The following DYNC1I1 variants were observed in gnomAD, a reference collection of about 807,000 sequenced individuals.
DYNC1I1 encodes cytoplasmic dynein 1 intermediate chain 1.
Under a neutral mutation model 86.6 loss-of-function variants are expected in DYNC1I1, and 43 were observed. That is an observed-to-expected ratio of 0.50 (90% CI 0.39 to 0.64). DYNC1I1 has a LOEUF of 0.64. Among genes scored for constraint, DYNC1I1 ranks in the 30% least tolerant of loss-of-function variants. The pLI is 0.00. For synonymous variants in DYNC1I1, 262 were observed against 283.7 expected (o/e 0.92, Z 0.77); for missense variants, 604 against 788.8 (o/e 0.77, Z 2.81).
chr7:95,921,924 C>T (rs572768299), intron 6 of DYNC1I1, among the ~76,000 whole-genome samples: 2 of 152,210 alleles, frequency 1.3e-5, no homozygotes, highest in Admixed American at 6.5e-5. Flanking sequence ...AGACTTGAGA[C>T]AAAATAATGT....
intron 15 of DYNC1I1, among the ~76,000 whole-genome samples, 193 bp downstream of exon 15, chr7:96,076,390 C>T (rs1348042656): frequency 2.0e-5 from 3 of 152,228 alleles, no homozygotes; most frequent in African/African-American, 7.2e-5. Context: ...ACTTAATCTC[C>T]CTTCATCCCT....
Position 95,836,213 on chromosome 7 carries a change from AT to A in DYNC1I1, c.374+8100del, listed in dbSNP as rs1789084575. 4.6e-5 allele frequency among the ~76,000 whole-genome samples: 7 copies of A among 151,914 alleles called. No individual in the cohort carries two copies. The South Asian group carries it at 1.5e-3, about 32-fold the overall frequency. On this transcript the variant is annotated intron_variant, in intron 5 of 16. Transcript: ENST00000447467. ...CATTTGCTTGTCTGTAAAGTATTTT[AT>A]TTCTCCTTCACTTATGAAGCTTAGT... is the stretch of plus-strand genomic sequence containing the variant.
Position 95,987,158 on chromosome 7 carries a change from A to G in DYNC1I1, c.843+3A>G. On this transcript the variant is annotated splice_donor_region_variant and intron_variant, in intron 9 of 16. Transcript: ENST00000447467. ...CTTGTATGGACTGGTCCCTCCAGGT[A>G]AGAATTATTGCTGGGCTGGGACAAA... 1 of 1,612,742 alleles carries G rather than the reference A, an allele frequency of 6.2e-7. No homozygotes were observed. The highest frequency in any genetic ancestry group is 8.5e-7 in the Non-Finnish European group (1 of 1,178,922).
chr7:96,098,171 C>T lies in DYNC1I1; in HGVS notation c.*578C>T. The T allele has an allele frequency of 1.0e-6, 1 of 985,876 alleles. No homozygotes were observed. The highest frequency in any genetic ancestry group is 1.2e-6 in the Non-Finnish European group (1 of 829,950). 61.1% of individuals were successfully genotyped at this position (985,876 alleles called of 1,614,324 possible). On this transcript the variant is annotated 3_prime_UTR_variant, in exon 17 of 17. Transcript: ENST00000447467. ...ATGTGCATAATGAGAGGACTGTATT[C>T]TCTCTGCTGCTGTTGAGGTTATATT...
Position 95,885,854 on chromosome 7 carries a change from A to G in DYNC1I1, c.490+15856A>G, listed in dbSNP as rs538933238. Among the ~76,000 whole-genome samples, 7 of 152,302 alleles carry G rather than the reference A, an allele frequency of 4.6e-5. No homozygotes were observed. The East Asian group carries it at 1.4e-3, about 29-fold the overall frequency. On this transcript the variant is annotated intron_variant, in intron 6 of 16. Coordinates refer to ENST00000447467, the MANE Select transcript of DYNC1I1 (RefSeq NM_001135556.2). ...GGTATCTTCCAAAAATGTCATTATC[A>G]GAAAGAAAGACATTTTTAAAAACCC...
intron 12 of DYNC1I1, among the ~76,000 whole-genome samples, chr7:96,034,799 C>A (rs2116011199): frequency 6.6e-6 from 1 of 152,210 alleles, no homozygotes. Context: ...AGTTTATTTG[C>A]ACAAGAAAGA....
intron 3 of DYNC1I1, 44 bp downstream of exon 3, chr7:95,810,550 G>A: frequency 6.5e-7 from 1 of 1,532,678 alleles, no homozygotes; most frequent in Non-Finnish European, 9.0e-7. Context: ...AAATCAACTT[G>A]CGTGGGATAT....
At chr7:95,882,545 A>G (rs898292585) in intron 6 of DYNC1I1, among the ~76,000 whole-genome samples, 1 of 152,194 alleles carries the variant, frequency 6.6e-6, no homozygotes, top group African/African-American at 2.4e-5. Context: ...GGTGCTCTGA[A>G]TAAGTAGTGA....
intron 6 of DYNC1I1, among the ~76,000 whole-genome samples, chr7:95,942,296 C>T (rs1300337597): frequency 1.3e-5 from 2 of 152,134 alleles, no homozygotes; most frequent in Non-Finnish European, 2.9e-5. Context: ...TTCCTCGACA[C>T]ATACAGCCTC....
intron 5 of DYNC1I1, among the ~76,000 whole-genome samples, chr7:95,854,837 A>G (rs1789674339): frequency 6.6e-6 from 1 of 152,186 alleles, no homozygotes; most frequent in Non-Finnish European, 1.5e-5. Context: ...CGTACAGAAA[A>G]TGGAAGTGAG....
intron 14 of DYNC1I1, among the ~76,000 whole-genome samples, chr7:96,054,137 G>GC (rs2116125163): frequency 6.6e-6 from 1 of 152,100 alleles, no homozygotes; most frequent in Admixed American, 6.5e-5. Flanking sequence ...CCCTCCCCTA[G>GC]CCCCTCACCC....
chr7:95,932,690 C>T (rs1390081867), intron 6 of DYNC1I1, among the ~76,000 whole-genome samples: 1 of 152,114 alleles, frequency 6.6e-6, no homozygotes, highest in Non-Finnish European at 1.5e-5. Flanking sequence ...CCAAGCCTCA[C>T]AAATGTTAAG....
intron 9 of DYNC1I1, among the ~76,000 whole-genome samples, chr7:95,995,288 T>TAAATAAATAAA (rs1284500550): frequency 1.1e-5 from 1 of 89,920 alleles, no homozygotes; most frequent in African/African-American, 4.0e-5. Flanking sequence ...AAATAAATAA[T>TAAATAAATAAA]GTAGAATGGC....
chr7:95,980,998 G>A (rs952762023), intron 7 of DYNC1I1, among the ~76,000 whole-genome samples: 3 of 151,898 alleles, frequency 2.0e-5, no homozygotes, highest in African/African-American at 4.8e-5. Context: ...TGTTTTTCCT[G>A]GCTACATGGG....
intron 5 of DYNC1I1, among the ~76,000 whole-genome samples, chr7:95,837,832 C>T (rs1442356825): frequency 2.6e-5 from 4 of 152,292 alleles, no homozygotes; most frequent in Admixed American, 6.5e-5. Flanking sequence ...TCGGCTCGCG[C>T]ATGGTGCGCG....
intron 1 of DYNC1I1, among the ~76,000 whole-genome samples, chr7:95,783,709 G>A (rs1318945203): frequency 6.6e-6 from 1 of 152,112 alleles, no homozygotes; most frequent in Non-Finnish European, 1.5e-5. Flanking sequence ...CTCCTCTTTT[G>A]TTTTTGGACC....
At position 95,788,348 on chromosome 7, in the gene DYNC1I1, CT is replaced by C. The variant is rs548851753; in HGVS notation, c.-10+15576del. ...ATGTTTGGAAGGAAGAGATAATTTG[CT>C]GATAGATTGGATGTGGGTTTGATGG... On this transcript the variant is annotated intron_variant, in intron 1 of 16. Transcript: ENST00000447467. Among the ~76,000 whole-genome samples the C allele has an allele frequency of 9.3e-4, 142 of 152,224 alleles. 1 individual carries two copies. Among genetic ancestry groups the C allele is most frequent in the African/African-American group, 3.3e-3 (137 of 41,536 alleles).
intron 10 of DYNC1I1, among the ~76,000 whole-genome samples, chr7:96,001,257 A>G (rs1794004445): frequency 1.3e-5 from 2 of 152,130 alleles, no homozygotes; most frequent in Non-Finnish European, 2.9e-5. Flanking sequence ...TTGCAATATG[A>G]GCACGTTTGC....
chr7:95,880,300 G>A (rs1027936674), intron 6 of DYNC1I1, among the ~76,000 whole-genome samples: 4 of 151,986 alleles, frequency 2.6e-5, no homozygotes, highest in African/African-American at 9.7e-5. Context: ...AAGTCCGTTC[G>A]TGGAATACTC....
Sources: gnomAD v4.1 joint callset for allele counts (sites outside exome capture counted in the v4.1 genomes callset) on GRCh38, gnomAD v4.1.1 for gene constraint, MANE v1.5 for transcripts, NCBI Gene and HGNC (gene_info 2026-07-23, HGNC 2026-07-21) for gene names.